Variants in HS3ST3B1 observed in about 807,000 individuals in gnomAD.
HS3ST3B1 encodes the protein heparan sulfate glucosamine 3-O-sulfotransferase 3B1.
HS3ST3B1 carries 13 observed loss-of-function variants against 21.3 expected under a neutral mutation model. The ratio of observed to expected loss-of-function variants is 0.61; its 90% CI spans 0.40 to 0.97. HS3ST3B1 has a LOEUF of 0.97. Among genes scored for constraint, HS3ST3B1 ranks in the 50% least tolerant of loss-of-function variants. The pLI is 0.00. For synonymous variants in HS3ST3B1, 234 were observed against 254.8 expected (o/e 0.92, Z 0.78); for missense variants, 459 against 554.8 (o/e 0.83, Z 1.73).
At position 14,301,942 on chromosome 17, in the gene HS3ST3B1, A is replaced by G. The variant is rs759626780; in HGVS notation, c.424A>G (p.Ile142Val). ...SGSKQLPQAI[I>V]IGVKKGGTRA... is the part of the protein sequence containing the mutation. ...GAGCAAGCAGCTGCCGCAGGCCATCATCATCGGCGTGAAGAAGGGCGGCAC... is the reference window on the plus strand; with the variant it reads ...GAGCAAGCAGCTGCCGCAGGCCATCGTCATCGGCGTGAAGAAGGGCGGCAC... Residue 142 changes from isoleucine (I) to valine (V), a missense_variant, in exon 1 of 2, where the codon ATC becomes GTC. Coordinates refer to ENST00000360954, the MANE Select transcript of HS3ST3B1 (RefSeq NM_006041.3). 11 of 1,609,904 alleles carry G rather than the reference A, an allele frequency of 6.8e-6. No individual in the cohort carries two copies. The highest frequency in any genetic ancestry group is 4.5e-5 in the East Asian group (2 of 44,728).
chr17:14,320,276 C>T (rs1909618181), intron 1 of HS3ST3B1, among the ~76,000 whole-genome samples: 1 of 152,110 alleles, frequency 6.6e-6, no homozygotes, highest in East Asian at 1.9e-4. Flanking sequence ...GGATGGGGCG[C>T]TGCACTGGGA....
chr17:14,343,870 C>T (rs1384468635), intron 1 of HS3ST3B1, among the ~76,000 whole-genome samples: 1 of 151,230 alleles, frequency 6.6e-6, no homozygotes, highest in Non-Finnish European at 1.5e-5. Context: ...AATGGGATTG[C>T]TGGATCTAAC....
intron 1 of HS3ST3B1, among the ~76,000 whole-genome samples, chr17:14,312,019 T>C (rs973450413): frequency 5.9e-5 from 9 of 152,118 alleles, no homozygotes; most frequent in African/African-American, 1.9e-4. Flanking sequence ...TAAAATGTGA[T>C]TTTTGCATTT....
rs949893447 is a variant in HS3ST3B1 at position 14,303,665 on chromosome 17, G to A, written c.554+1593G>A. Among the ~76,000 whole-genome samples the A allele has an allele frequency of 1.3e-5, 2 of 152,150 alleles. No homozygotes were observed. The highest frequency in any genetic ancestry group is 4.8e-5 in the African/African-American group (2 of 41,448). The stretch of plus-strand genomic sequence containing the variant: ...ATGGGAAGAGTGAATGCGCTGGTAC[G>A]GTAAGGTGCCTCGCAGGCACGTGAG... On this transcript the variant is annotated intron_variant, in intron 1 of 1. Transcript: ENST00000360954. This position sits in a 1 kb window ranked among gnomAD's most constrained non-coding sequence, Gnocchi z 5.7.
chr17:14,329,384 A>AAGGAAGGAAGGAAGGAAGGAAGGAAGGAG (rs1909927527), intron 1 of HS3ST3B1: 1 of 141,804 alleles, frequency 7.1e-6, no homozygotes, highest in African/African-American at 2.6e-5. Flanking sequence ...GGAAGGAAGG[A>AAGGAAGGAAGGAAGGAAGGAAGGAAGGAG]AGGAAGGAGA....
chr17:14,315,649 C>T (rs1220304804), intron 1 of HS3ST3B1, among the ~76,000 whole-genome samples: 1 of 151,886 alleles, frequency 6.6e-6, no homozygotes, highest in Non-Finnish European at 1.5e-5. Context: ...GTGGTGAAAC[C>T]CTGTTTCTGC....
rs755587962 is a variant in HS3ST3B1, at chr17:14,349,305, C to T, written c.*3659C>T. 6 of 152,148 alleles carry T rather than the reference C, an allele frequency of 3.9e-5. No homozygotes were observed. Among genetic ancestry groups the T allele is most frequent in the Non-Finnish European group, 7.3e-5 (5 of 68,030 alleles). 9.4% of individuals were successfully genotyped at this position (152,148 alleles called of 1,614,324 possible). ...ATCAAGTATTTTGTCCTATGTATAA[C>T]ACAAATTAATTTTACACAGAGAAAG... is the stretch of plus-strand genomic sequence containing the variant. On this transcript the variant is annotated 3_prime_UTR_variant, in exon 2 of 2. Coordinates refer to ENST00000360954, the MANE Select transcript of HS3ST3B1 (RefSeq NM_006041.3).
chr17:14,326,917 G>A (rs34304103), intron 1 of HS3ST3B1, among the ~76,000 whole-genome samples: 46,700 of 115,630 alleles, frequency 0.4, 9,816 homozygotes, highest in Non-Finnish European at 0.49. Context: ...GTGAAACTCT[G>A]TCTCAAAAAA....
rs1168380612 is a variant in HS3ST3B1 at position 14,347,361 on chromosome 17, T to C, written c.*1715T>C. 1 of 152,240 alleles carries C rather than the reference T, an allele frequency of 6.6e-6. No homozygotes were observed. The highest frequency in any genetic ancestry group is 1.5e-5 in the Non-Finnish European group (1 of 68,042). 9.4% of individuals were successfully genotyped at this position (152,240 alleles called of 1,614,324 possible). A position where few individuals can be genotyped will look rare whatever the true frequency, so the allele number is the denominator to read the frequency against. On this transcript the variant is annotated 3_prime_UTR_variant, in exon 2 of 2. Transcript: ENST00000360954. ...TAGCCATATAGTAATACAGGGGCAG[T>C]TGGTTAAACATATAGCAATATCACA...
At chr17:14,333,489 A>C (rs73257305) in intron 1 of HS3ST3B1, among the ~76,000 whole-genome samples, 1 of 151,848 alleles carries the variant, frequency 6.6e-6, no homozygotes, top group Non-Finnish European at 1.5e-5. Flanking sequence ...AACAAAAAAA[A>C]ACAGATTTTG....
chr17:14,309,725 C>A (rs562178494), intron 1 of HS3ST3B1, among the ~76,000 whole-genome samples: 1 of 152,344 alleles, frequency 6.6e-6, no homozygotes, highest in East Asian at 1.9e-4. Flanking sequence ...CCCTCCTGCA[C>A]AAATTCTCCT....
Position 14,301,741 on chromosome 17 carries a change from C to G in HS3ST3B1, c.223C>G (p.Pro75Ala). The change falls in exon 1 of 2, where the codon CCA (proline) becomes GCA (alanine). Residue 75 changes from proline to alanine, a missense_variant. Physicochemically the swap from Pro to Ala is conservative, Grantham distance 27. Coordinates refer to ENST00000360954, the MANE Select transcript of HS3ST3B1 (RefSeq NM_006041.3). The stretch of plus-strand genomic sequence containing the variant: ...TGGGTCCCGCGCCGCACACGACCCG[C>G]CAGCCCTGGCCACAGCTCCGGACGG... ...GSGSRAAHDPPALATAPDGTP... is the reference protein window; with the variant it reads ...GSGSRAAHDPAALATAPDGTP... 1 of 1,596,484 alleles carries G rather than the reference C, an allele frequency of 6.3e-7. No individual in the cohort carries two copies. Among genetic ancestry groups the G allele is most frequent in the Non-Finnish European group, 8.5e-7 (1 of 1,173,200 alleles).
intron 1 of HS3ST3B1, chr17:14,328,768 G>A (rs1909892602): frequency 6.6e-6 from 1 of 152,174 alleles, no homozygotes; most frequent in Non-Finnish European, 1.5e-5. Flanking sequence ...GAGAGGCTGT[G>A]CTGGGTGGAT....
rs188606701 is a variant in HS3ST3B1 at position 14,347,483 on chromosome 17, G to A, written c.*1837G>A. On this transcript the variant is annotated 3_prime_UTR_variant, in exon 2 of 2. Transcript: ENST00000360954. ...GTTATACTTCCATCAAGGAATATGT[G>A]GGAAGATATACATATTGTCAAAATG... is the stretch of plus-strand genomic sequence containing the variant. The A allele has an allele frequency of 6.6e-6, 1 of 152,312 alleles. No homozygotes were observed. The highest frequency in any genetic ancestry group is 1.9e-4 in the East Asian group (1 of 5,192). 9.4% of individuals were successfully genotyped at this position (152,312 alleles called of 1,614,324 possible).
intron 1 of HS3ST3B1, among the ~76,000 whole-genome samples, chr17:14,315,324 G>A (rs139674437): frequency 3.4e-3 from 517 of 152,300 alleles, no homozygotes; most frequent in Middle Eastern, 6.8e-3. Context: ...AGAGCATGCC[G>A]TGTGCCTCCT....
intron 1 of HS3ST3B1, among the ~76,000 whole-genome samples, chr17:14,306,581 G>A (rs1426938713): frequency 6.6e-6 from 1 of 152,164 alleles, no homozygotes; most frequent in East Asian, 1.9e-4. Context: ...TCTCTCTCTT[G>A]AAAGCTAATA....
chr17:14,305,746 CGT>C (rs566690236), intron 1 of HS3ST3B1, among the ~76,000 whole-genome samples: 10 of 151,594 alleles, frequency 6.6e-5, no homozygotes, highest in East Asian at 1.9e-4. Context: ...GTATACCGTA[CGT>C]GTGTGTGTGT....
At chr17:14,342,222 G>A (rs924137711) in intron 1 of HS3ST3B1, among the ~76,000 whole-genome samples, 3 of 151,930 alleles carry the variant, frequency 2.0e-5, no homozygotes, top group Non-Finnish European at 4.4e-5. Context: ...GTAAATATTT[G>A]GTCAAAAATA....
rs766486063 is a variant in HS3ST3B1, at chr17:14,345,361, C to T, written c.888C>T (p.Ser296=). Residue 296 remains serine, a synonymous_variant, in exon 2 of 2, where the codon AGC becomes AGT. Transcript: ENST00000360954. Reference sequence around the variant, plus strand: ...CCATCCGCCAGATGCTCTTCGTGAGCGGCGAGCGGCTCATCAGCGACCCGG... The same window carrying T: ...CCATCCGCCAGATGCTCTTCGTGAGTGGCGAGCGGCTCATCAGCGACCCGG... ...HFPIRQMLFV[S]GERLISDPAG... The T allele has an allele frequency of 5.5e-6, 6 of 1,098,544 alleles. No homozygotes were observed. Among genetic ancestry groups the T allele is most frequent in the Non-Finnish European group, 7.9e-6 (6 of 762,342 alleles). The allele number at this position is 1,098,544 out of a possible 1,614,324, so 68.0% of individuals were successfully genotyped here.
Sources: allele counts gnomAD v4.1 joint callset (sites outside exome capture counted in the v4.1 genomes callset), GRCh38; gene constraint gnomAD v4.1.1; non-coding constraint Gnocchi (gnomAD v3.1); transcripts MANE v1.5; gene names NCBI Gene and HGNC (gene_info 2026-07-23, HGNC 2026-07-21).